The following CELF2 variants were observed in gnomAD, a reference collection of about 807,000 sequenced individuals.
CELF2 encodes CUG triplet repeat RNA-binding protein 2.
A neutral mutation model predicts 62.6 loss-of-function variants in CELF2; 8 were observed. The observed-to-expected ratio is 0.13, with a 90% CI of 0.07 to 0.23. The LOEUF is 0.23. CELF2 is among the 10% of genes least tolerant of loss of function. CELF2 has a pLI of 1.00. For synonymous variants in CELF2, 258 were observed against 250.0 expected, an observed-to-expected ratio of 1.03 and a Z score of -0.30; for missense variants, 333 against 671.0, an observed-to-expected ratio of 0.50 and a Z score of 5.56.
chr10:10,948,994 A>G (rs1321996191), intron 2 of CELF2, among the ~76,000 whole-genome samples: 3 of 152,108 alleles, frequency 2.0e-5, no homozygotes. Flanking sequence ...CACTGCCTGG[A>G]CCTAGGTTCC....
At chr10:11,043,632 C>G (rs540318373) in intron 1 of CELF2, among the ~76,000 whole-genome samples, 1 of 152,142 alleles carries the variant, frequency 6.6e-6, no homozygotes, top group Non-Finnish European at 1.5e-5. Context: ...CCAGCTGCTC[C>G]GGGCAGACCT....
intron 1 of CELF2, among the ~76,000 whole-genome samples, chr10:11,115,430 A>C (rs2056338005): frequency 6.6e-6 from 1 of 152,194 alleles, no homozygotes; most frequent in South Asian, 2.1e-4. Context: ...CTTGTAGGGA[A>C]AAGAAAGGGC....
At chr10:10,913,786 A>G (rs988909759) in intron 1 of CELF2, among the ~76,000 whole-genome samples, 2 of 151,028 alleles carry the variant, frequency 1.3e-5, no homozygotes, top group African/African-American at 4.9e-5. Context: ...CTAGTTGACA[A>G]AAGAAAGAAA....
intron 1 of CELF2, among the ~76,000 whole-genome samples, chr10:11,081,185 A>G (rs867487476): frequency 6.6e-6 from 1 of 152,354 alleles, no homozygotes; most frequent in Middle Eastern, 3.4e-3. Context: ...CTTTTATAAA[A>G]TGGGACATGT....
intron 3 of CELF2, among the ~76,000 whole-genome samples, chr10:11,225,971 A>C (rs1257675858): frequency 6.6e-6 from 1 of 152,222 alleles, no homozygotes; most frequent in Non-Finnish European, 1.5e-5. Flanking sequence ...TAAGCAAAGC[A>C]GTGATGGAAC....
At chr10:11,228,512 A>G (rs1296314008) in intron 3 of CELF2, among the ~76,000 whole-genome samples, 1 of 152,222 alleles carries the variant, frequency 6.6e-6, no homozygotes, top group African/African-American at 2.4e-5. Context: ...AGATACAAGT[A>G]TGATAAGAAA....
At chr10:10,625,774 G>C in the CELF2 span, among the ~76,000 whole-genome samples, 1 of 152,154 alleles carries the variant, frequency 6.6e-6, no homozygotes, top group Non-Finnish European at 1.5e-5. Context: ...AGGGCACAAG[G>C]GCCCCGTCCC....
the CELF2 span, among the ~76,000 whole-genome samples, chr10:10,771,688 A>G: frequency 6.6e-6 from 1 of 152,218 alleles, no homozygotes; most frequent in Non-Finnish European, 1.5e-5. Flanking sequence ...GCCTGCTGCC[A>G]TCCACATAAG....
chr10:10,780,753 A>G, the CELF2 span, among the ~76,000 whole-genome samples: 208 of 152,352 alleles, frequency 1.4e-3, no homozygotes, highest in African/African-American at 4.9e-3. Flanking sequence ...TGCTGGGATT[A>G]CAGGCATGAG....
chr10:11,135,785 G>A (rs180693501), intron 1 of CELF2, among the ~76,000 whole-genome samples: 1 of 152,314 alleles, frequency 6.6e-6, no homozygotes, highest in East Asian at 1.9e-4. Context: ...AGTCCTAGAG[G>A]CAAAGGGATA....
chr10:10,536,194 AT>A, the CELF2 span, among the ~76,000 whole-genome samples: 3 of 151,902 alleles, frequency 2.0e-5, no homozygotes, highest in East Asian at 3.9e-4. Flanking sequence ...TAATTTTTGT[AT>A]TTTTAGTAGA....
chr10:10,765,712 TAG>T, the CELF2 span, among the ~76,000 whole-genome samples: 6 of 152,200 alleles, frequency 3.9e-5, no homozygotes, highest in Non-Finnish European at 8.8e-5. Context: ...CTACCTGTTC[TAG>T]AGTTCGCTCA....
In CELF2 at chr10:11,156,639, C is replaced by T. The variant is rs551925524; in HGVS notation, c.75-8847C>T. ...CAGCTCCTTGAATTTGTCAGACTCG[C>T]GTCATAAATATGATTAAGTGAATGA... On this transcript the variant is annotated intron_variant, in intron 1 of 12. Transcript: ENST00000633077. This position sits in a 1 kb window ranked among gnomAD's most constrained non-coding sequence, Gnocchi z 4.3. Among the ~76,000 whole-genome samples, 8 of 152,286 alleles carry T rather than the reference C, an allele frequency of 5.3e-5. No homozygotes were observed. Among genetic ancestry groups the T allele is most frequent in the South Asian group, 2.1e-4 (1 of 4,824 alleles).
In CELF2 at chr10:11,227,441, A is replaced by T. The variant is rs1039436472; in HGVS notation, c.354+9934A>T. On this transcript the variant is annotated intron_variant, in intron 3 of 12. Transcript: ENST00000633077. This position sits in a 1 kb window ranked among gnomAD's most constrained non-coding sequence, Gnocchi z 4.8. ...GCTGCTGCTCTCCGCATCACAGCAA[A>T]GTCAAGGCAAAGGAGGATGGGTGCC... Among the ~76,000 whole-genome samples the T allele has an allele frequency of 2.0e-5, 3 of 152,156 alleles. No homozygotes were observed. The highest frequency in any genetic ancestry group is 4.4e-5 in the Non-Finnish European group (3 of 68,032).
At chr10:10,523,496 A>G in the CELF2 span, among the ~76,000 whole-genome samples, 2 of 152,168 alleles carry the variant, frequency 1.3e-5, no homozygotes, top group African/African-American at 4.8e-5. Context: ...TACAGACATT[A>G]TGACTGGGGA....
At position 11,246,025 on chromosome 10, in the gene CELF2, T is replaced by G. The variant is rs2075496167; in HGVS notation, c.355-3128T>G. ...ATACCTGTCAGCCGAGAGCACTGAC[T>G]GCGTGATTTCCAGGGTCCTTTACAG... On this transcript the variant is annotated intron_variant, in intron 3 of 12. Transcript: ENST00000633077. The surrounding 1 kb of genome is among the most constrained non-coding windows in gnomAD (Gnocchi z 4.6). Among the ~76,000 whole-genome samples, 1 of 152,184 alleles carries G rather than the reference T, an allele frequency of 6.6e-6. No individual in the cohort carries two copies. The highest frequency in any genetic ancestry group is 1.5e-5 in the Non-Finnish European group (1 of 68,028).
In CELF2 at chr10:11,110,542, CAG is replaced by C. The variant is rs1292572796; in HGVS notation, c.75-54941_75-54940del. 1.3e-5 allele frequency among the ~76,000 whole-genome samples: 2 copies of C among 152,146 alleles called. No individual in the cohort carries two copies. Among genetic ancestry groups the C allele is most frequent in the East Asian group, 3.8e-4 (2 of 5,198 alleles). ...AATACACTAATGCATGGAGTAGAAA[CAG>C]AGGGGCTTTAATGGAGGTCATGTCC... On this transcript the variant is annotated intron_variant, in intron 1 of 12. Coordinates refer to ENST00000633077, the MANE Select transcript of CELF2 (RefSeq NM_001326342.2). This position sits in a 1 kb window ranked among gnomAD's most constrained non-coding sequence, Gnocchi z 4.0.
the CELF2 span, among the ~76,000 whole-genome samples, chr10:10,696,610 G>C: frequency 9.2e-3 from 1,401 of 151,900 alleles, 30 homozygotes; most frequent in African/African-American, 0.031. Context: ...GCCTCGCTGC[G>C]GCCTTGCAGT....
At chr10:10,793,561 G>A (rs942919524), upstream of CELF2, among the ~76,000 whole-genome samples, 2 of 152,176 alleles carry the variant, frequency 1.3e-5, no homozygotes, top group African/African-American at 4.8e-5. Flanking sequence ...CAAAACATCA[G>A]TTTCAATGCT....
Sources: gnomAD v4.1 joint callset for allele counts (sites outside exome capture counted in the v4.1 genomes callset) on GRCh38, gnomAD v4.1.1 for gene constraint, Gnocchi (gnomAD v3.1) non-coding constraint, MANE v1.5 for transcripts, NCBI Gene and HGNC (gene_info 2026-07-23, HGNC 2026-07-21) for gene names.